KLC3: variants seen among roughly 807,000 people sequenced by gnomAD.
KLC3 encodes kinesin light chain 2.
A neutral mutation model predicts 62.9 loss-of-function variants in KLC3; 72 were observed. The ratio of observed to expected loss-of-function variants is 1.15; its 90% CI spans 0.95 to 1.39. The LOEUF is 1.39. Ranked by LOEUF, KLC3 falls within the 40% of genes most tolerant of loss-of-function variation. The pLI, the probability that KLC3 is intolerant of heterozygous loss-of-function variation, is 0.00. For missense variants in KLC3, 848 were observed against 691.6 expected (o/e 1.23, Z -2.54); for synonymous variants, 377 against 300.5 (o/e 1.25, Z -2.63).
chr19:45,341,186 TTGTGTG>T (rs113240301), intron 1 of KLC3, among the ~76,000 whole-genome samples: 17 of 111,922 alleles, frequency 1.5e-4, no homozygotes, highest in South Asian at 5.2e-4. Context: ...CTGCCTGTGT[TTGTGTG>T]TGTGTGTGTG....
At chr19:45,349,385 C>A (rs768312554) in intron 7 of KLC3, 44 bp from the exon 8 acceptor site, 5 of 1,554,236 alleles carry the variant, frequency 3.2e-6, no homozygotes, top group Non-Finnish European at 4.4e-6. Flanking sequence ...ACGTGTCCCA[C>A]CAATCCTGTA....
In KLC3 at chr19:45,350,437, C is replaced by A. The variant is rs774092938; in HGVS notation, c.1234+6C>A. ...GGACCTACCCGCCCCTCTCGGTGAG[C>A]CCCTAGCCCCTGTCTGTCTTCCCTC... On this transcript the variant is annotated splice_donor_region_variant and intron_variant, in intron 9 of 12. Transcript: ENST00000391946. 70 of 1,613,622 alleles carry A rather than the reference C, an allele frequency of 4.3e-5. No homozygotes were observed. The South Asian group carries it at 7.6e-4, about 17-fold the overall frequency.
intron 1 of KLC3, among the ~76,000 whole-genome samples, chr19:45,341,599 C>T (rs1568519392): frequency 9.8e-6 from 1 of 101,688 alleles, no homozygotes; most frequent in African/African-American, 3.5e-5. Context: ...GTGTGGTGGA[C>T]AGTGTGGCAC....
chr19:45,347,380 G>A, intron 3 of KLC3, 67 bp from the exon 4 acceptor site: 2 of 1,081,142 alleles, frequency 1.8e-6, no homozygotes, highest in Non-Finnish European at 2.8e-6. Flanking sequence ...ACCTGAGATA[G>A]AGCCAGGGCC....
Position 45,348,635 on chromosome 19 carries a change from G to A in KLC3, c.780-11G>A, listed in dbSNP as rs200456968. On this transcript the variant is annotated splice_polypyrimidine_tract_variant and intron_variant, in intron 5 of 12. Transcript: ENST00000391946. ...GGCTAACCCCCTCCATTCCTGGGGC[G>A]CCCCCCACAGGGACCAGAACAAGTA... 1.4e-3 allele frequency: 2,230 copies of A among 1,563,754 alleles called. 4 individuals carry two copies. Among genetic ancestry groups the A allele is most frequent in the Admixed American group, 2.2e-3 (117 of 52,492 alleles).
chr19:45,349,611 C>T lies in KLC3; in HGVS notation c.1143+9C>T. The stretch of plus-strand genomic sequence containing the variant: ...AGACCAAGAACAACCTGGTGAGGCC[C>T]CTGGGGCTCAGAGTGGGCCAAGAGT... On this transcript the variant is annotated intron_variant, in intron 8 of 12. Coordinates refer to ENST00000391946, the MANE Select transcript of KLC3 (RefSeq NM_177417.3). 6.3e-7 allele frequency: 1 copy of T among 1,599,930 alleles called. No individual in the cohort carries two copies. Among genetic ancestry groups the T allele is most frequent in the South Asian group, 1.1e-5 (1 of 90,280 alleles).
rs1333178727 is a variant in KLC3, at chr19:45,351,418, G to A, written c.*61G>A. Reference sequence around the variant, plus strand: ...AACAGTGCAGGAGGGATGGGCTGGTGGGGTGAGAGGGGGTCTATCATCTCC... The same window carrying A: ...AACAGTGCAGGAGGGATGGGCTGGTAGGGTGAGAGGGGGTCTATCATCTCC... On this transcript the variant is annotated 3_prime_UTR_variant, in exon 13 of 13. Coordinates refer to ENST00000391946, the MANE Select transcript of KLC3 (RefSeq NM_177417.3). 13 of 1,592,964 alleles carry A rather than the reference G, an allele frequency of 8.2e-6. No homozygotes were observed. Among genetic ancestry groups the A allele is most frequent in the Admixed American group, 1.7e-5 (1 of 59,410 alleles).
Position 45,346,719 on chromosome 19 carries a change from G to A in KLC3, c.434G>A (p.Arg145His), listed in dbSNP as rs1469502761. The A allele has an allele frequency of 1.0e-5, 16 of 1,584,344 alleles. No homozygotes were observed. The East Asian group carries it at 1.6e-4, about 16-fold the overall frequency. Reference protein sequence around the residue: ...ESVAQLEEEKRHLEFLGQLRQ... With the variant: ...ESVAQLEEEKHHLEFLGQLRQ... ...GTGGCCCAGCTGGAGGAGGAGAAGC[G>A]CCACCTGGAGTTCCTGGGGCAGCTG... is the stretch of plus-strand genomic sequence containing the variant. Residue 145 changes from arginine to histidine, a missense_variant, in exon 3 of 13, where the codon CGC becomes CAC. Coordinates refer to ENST00000391946, the MANE Select transcript of KLC3 (RefSeq NM_177417.3).
chr19:45,348,034 C>T lies in KLC3; in HGVS notation c.653C>T (p.Ala218Val), dbSNP rs368152525. 1.4e-5 allele frequency: 23 copies of T among 1,605,986 alleles called. No homozygotes were observed. Among genetic ancestry groups the T allele is most frequent in the South Asian group, 8.9e-5 (8 of 89,576 alleles). The change falls in exon 5 of 13, where the codon GCG becomes GTG. Residue 218 changes from alanine to valine, a missense_variant. By Grantham distance (64) the Ala-to-Val change is moderately conservative (BLOSUM62 0). Coordinates refer to ENST00000391946, the MANE Select transcript of KLC3 (RefSeq NM_177417.3). ...RTLHNLVIQY[A>V]GQGRYEVAVP... The stretch of plus-strand genomic sequence containing the variant: ...CTGCATAACCTCGTGATCCAGTACG[C>T]GGGGCAGGGCCGCTATGAGGTGGCG...
In KLC3 at chr19:45,350,542, C is replaced by A; in HGVS notation, c.1263C>A (p.Asp421Glu). Residue 421 changes from aspartate (D) to glutamate (E), a missense_variant, in exon 10 of 13, where the codon GAC (aspartate) becomes GAA (glutamate). Transcript: ENST00000391946. ...LGAPNTGTAG[D>E]AEQALRRSSS... ...CCCCCAACACAGGCACAGCTGGTGACGCAGAACAGGTGAGGATGGGCTGTG... is the reference window on the plus strand; with the variant it reads ...CCCCCAACACAGGCACAGCTGGTGAAGCAGAACAGGTGAGGATGGGCTGTG... The A allele has an allele frequency of 6.2e-7, 1 of 1,613,888 alleles. No individual in the cohort carries two copies. Among genetic ancestry groups the A allele is most frequent in the Non-Finnish European group, 8.5e-7 (1 of 1,179,954 alleles).
chr19:45,350,541 A>C lies in KLC3; in HGVS notation c.1262A>C (p.Asp421Ala). 1 of 1,613,738 alleles carries C rather than the reference A, an allele frequency of 6.2e-7. No homozygotes were observed. Among genetic ancestry groups the C allele is most frequent in the Non-Finnish European group, 8.5e-7 (1 of 1,179,928 alleles). The stretch of plus-strand genomic sequence containing the variant: ...GCCCCCAACACAGGCACAGCTGGTG[A>C]CGCAGAACAGGTGAGGATGGGCTGT... ...LGAPNTGTAG[D>A]AEQALRRSSS... The change falls in exon 10 of 13, where the codon GAC (aspartate) becomes GCC (alanine). Residue 421 changes from aspartate (D) to alanine (A), a missense_variant. By Grantham distance (126) the Asp-to-Ala change is moderately radical (BLOSUM62 -2). Transcript: ENST00000391946.
chr19:45,349,334 C>A, intron 7 of KLC3, 95 bp from the exon 8 acceptor site: 1 of 1,307,498 alleles, frequency 7.6e-7, no homozygotes, highest in Non-Finnish European at 1.1e-6. Flanking sequence ...TGCTTTGACC[C>A]TGTAATCCCC....
rs538695727 is a variant in KLC3 at position 45,347,340 on chromosome 19, CAAAAAAA to C, written c.490-97_490-91del. 140 of 558,368 alleles carry C rather than the reference CAAAAAAA, an allele frequency of 2.5e-4. No homozygotes were observed. The African/African-American group carries it at 3.3e-3, about 13-fold the overall frequency. 34.6% of individuals were successfully genotyped at this position (558,368 alleles called of 1,614,324 possible). On this transcript the variant is annotated intron_variant, in intron 3 of 12. Coordinates refer to ENST00000391946, the MANE Select transcript of KLC3 (RefSeq NM_177417.3). ...CTGTGCAACAAGCGAAACTCCGTCT[CAAAAAAA>C]AAAAAAAAACAAAAAAACAAAAACC...
chr19:45,346,737 G>A lies in KLC3; in HGVS notation c.452G>A (p.Gly151Glu), dbSNP rs1971503118. 1 of 1,588,830 alleles carries A rather than the reference G, an allele frequency of 6.3e-7. No homozygotes were observed. Among genetic ancestry groups the A allele is most frequent in the Non-Finnish European group, 8.6e-7 (1 of 1,168,450 alleles). ...EEEKRHLEFL[G>E]QLRQYDPPAE... ...GAGAAGCGCCACCTGGAGTTCCTGGGGCAGCTGCGACAGTACGACCCACCG... is the reference window on the plus strand; with the variant it reads ...GAGAAGCGCCACCTGGAGTTCCTGGAGCAGCTGCGACAGTACGACCCACCG... Residue 151 changes from glycine to glutamate, a missense_variant, in exon 3 of 13, where the codon GGG becomes GAG. Physicochemically the swap from Gly to Glu is moderately conservative, Grantham distance 98. Transcript: ENST00000391946.
At position 45,351,133 on chromosome 19, in the gene KLC3, G is replaced by C; in HGVS notation, c.1443+116G>C. 8 of 1,602,870 alleles carry C rather than the reference G, an allele frequency of 5.0e-6. No homozygotes were observed. In the South Asian group the frequency reaches 8.9e-5, roughly 18 times the overall value. On this transcript the variant is annotated intron_variant, in intron 12 of 12. Coordinates refer to ENST00000391946, the MANE Select transcript of KLC3 (RefSeq NM_177417.3). ...GTCAGCAGGTGGTGGGTTGGTGTCA[G>C]AAGAGACCCAGGACAGGAGCAAAGA...
chr19:45,345,857 C>A, intron 2 of KLC3, 58 bp downstream of exon 2: 1 of 1,487,604 alleles, frequency 6.7e-7, no homozygotes, highest in Admixed American at 2.2e-5. Flanking sequence ...GAGGGAGGGC[C>A]AGGCATGAGG....
intron 4 of KLC3, 30 bp downstream of exon 4, chr19:45,347,546 A>T: frequency 6.3e-7 from 1 of 1,577,440 alleles, no homozygotes; most frequent in South Asian, 1.1e-5. Context: ...GCCACAGAGG[A>T]TGGCAGGCCA....
At chr19:45,344,572 G>A (rs1057282550) in intron 1 of KLC3, among the ~76,000 whole-genome samples, 3 of 152,016 alleles carry the variant, frequency 2.0e-5, no homozygotes, top group Non-Finnish European at 2.9e-5. Context: ...ATTGTATTTC[G>A]GAGAGGAAAA....
At chr19:45,348,773 G>A (rs1247159076) in intron 6 of KLC3, 40 bp downstream of exon 6, 2 of 1,564,700 alleles carry the variant, frequency 1.3e-6, no homozygotes, top group Non-Finnish European at 1.7e-6. Context: ...GGTCAAAGTG[G>A]GGCCACACCT....
Sources: gnomAD v4.1 joint callset for allele counts (sites outside exome capture counted in the v4.1 genomes callset) on GRCh38, gnomAD v4.1.1 for gene constraint, MANE v1.5 for transcripts, NCBI Gene and HGNC (gene_info 2026-07-23, HGNC 2026-07-21) for gene names.